Variants in WASL observed in about 807,000 individuals in gnomAD.
WASL encodes actin nucleation-promoting factor WASL.
WASL carries 20 observed loss-of-function variants against 55.5 expected under a neutral mutation model. That is an observed-to-expected ratio of 0.36 (90% CI 0.25 to 0.52). The LOEUF is 0.52. Among genes scored for constraint, WASL ranks in the 20% least tolerant of loss-of-function variants. The pLI is 0.92. For synonymous variants in WASL, 249 were observed against 217.6 expected, an observed-to-expected ratio of 1.14 and a Z score of -1.27; for missense variants, 504 against 622.5, an observed-to-expected ratio of 0.81 and a Z score of 2.03.
chr7:123,737,142 T>A (rs1474985673), intron 1 of WASL, among the ~76,000 whole-genome samples: 2 of 152,126 alleles, frequency 1.3e-5, no homozygotes, highest in African/African-American at 4.8e-5. Context: ...TAACAATAGC[T>A]GATGAACTTT....
At chr7:123,693,488 G>A (rs1291889919) in intron 8 of WASL, among the ~76,000 whole-genome samples, 1 of 152,204 alleles carries the variant, frequency 6.6e-6, no homozygotes, top group East Asian at 1.9e-4. Context: ...GGCATTATAG[G>A]AGGCTGGTTG....
chr7:123,714,988 A>C (rs1803816186), intron 1 of WASL, among the ~76,000 whole-genome samples: 1 of 152,132 alleles, frequency 6.6e-6, no homozygotes, highest in Admixed American at 6.5e-5. Flanking sequence ...TGGAGTAGGA[A>C]ATAAGAAAGA....
intron 1 of WASL, among the ~76,000 whole-genome samples, chr7:123,747,922 G>A (rs1473495149): frequency 6.6e-6 from 1 of 152,052 alleles, no homozygotes; most frequent in Non-Finnish European, 1.5e-5. Context: ...AGCTACCAGA[G>A]ATTGAGGTTT....
At chr7:123,695,421 G>T (rs1803475451) in intron 7 of WASL, among the ~76,000 whole-genome samples, 1 of 152,112 alleles carries the variant, frequency 6.6e-6, no homozygotes, top group African/African-American at 2.4e-5. Context: ...ATAAAACAAC[G>T]GCAAAACTGC....
At chr7:123,689,344 T>C (rs1303642926) in intron 9 of WASL, among the ~76,000 whole-genome samples, 194 bp from the exon 10 acceptor site, 2 of 152,170 alleles carry the variant, frequency 1.3e-5, no homozygotes, top group Admixed American at 1.3e-4. Flanking sequence ...TCAAAAATAT[T>C]TCCTTTCCAT....
At chr7:123,689,016 C>G (rs765138035) in intron 10 of WASL, 26 bp downstream of exon 10, 119 of 1,461,986 alleles carry the variant, frequency 8.1e-5, no homozygotes, top group African/African-American at 2.9e-4. Context: ...GTCTCTCTCT[C>G]TCTCTCTCTC....
chr7:123,722,632 A>G (rs571345802), intron 1 of WASL, among the ~76,000 whole-genome samples: 1 of 152,234 alleles, frequency 6.6e-6, no homozygotes, highest in East Asian at 1.9e-4. Flanking sequence ...AGCGTGGCCA[A>G]CATGGCGAAA....
intron 1 of WASL, chr7:123,720,317 C>G (rs538356218): frequency 2.3e-6 from 1 of 426,562 alleles, no homozygotes; most frequent in African/African-American, 2.2e-5. Context: ...CACAGTTCAG[C>G]TATACAAATA....
chr7:123,689,418 C>T (rs1358107916), intron 9 of WASL, among the ~76,000 whole-genome samples: 1 of 152,184 alleles, frequency 6.6e-6, no homozygotes, highest in Non-Finnish European at 1.5e-5. Context: ...CAAACCCTCT[C>T]CTGAATAATA....
At chr7:123,732,812 C>T (rs1414695133) in intron 1 of WASL, among the ~76,000 whole-genome samples, 1 of 151,982 alleles carries the variant, frequency 6.6e-6, no homozygotes, top group African/African-American at 2.4e-5. Flanking sequence ...CAAATTGAAC[C>T]CAACAATATA....
intron 1 of WASL, among the ~76,000 whole-genome samples, chr7:123,711,702 TACAG>T (rs1246960365): frequency 6.6e-6 from 1 of 152,216 alleles, no homozygotes; most frequent in Non-Finnish European, 1.5e-5. Context: ...ATTAAGTTTT[TACAG>T]ACATTCCTTC....
At chr7:123,714,506 A>G (rs1193759868) in intron 1 of WASL, among the ~76,000 whole-genome samples, 2 of 152,226 alleles carry the variant, frequency 1.3e-5, no homozygotes, top group African/African-American at 4.8e-5. Flanking sequence ...CTCAACAGTG[A>G]AGAAAAACGG....
intron 10 of WASL, 22 bp downstream of exon 10, chr7:123,689,020 C>G (rs762687925): frequency 5.7e-5 from 90 of 1,567,374 alleles, no homozygotes; most frequent in Non-Finnish European, 7.4e-5. Flanking sequence ...CTCTCTCTCT[C>G]TCTCTCTCTC....
At chr7:123,714,297 G>A (rs1172044371) in intron 1 of WASL, among the ~76,000 whole-genome samples, 1 of 152,064 alleles carries the variant, frequency 6.6e-6, no homozygotes, top group Non-Finnish European at 1.5e-5. Flanking sequence ...ATTCACTTTG[G>A]AGACAAGGGA....
At chr7:123,715,476 A>G (rs1485549620) in intron 1 of WASL, among the ~76,000 whole-genome samples, 3 of 152,226 alleles carry the variant, frequency 2.0e-5, no homozygotes, top group African/African-American at 7.2e-5. Flanking sequence ...GTTTGTTTGC[A>G]ACAACAGATA....
In WASL at chr7:123,700,022, A is replaced by G. The variant is rs563351211; in HGVS notation, c.461-3275T>C. 6.6e-5 allele frequency among the ~76,000 whole-genome samples: 10 copies of G among 151,840 alleles called. No homozygotes were observed. In the South Asian group the frequency reaches 2.1e-3, roughly 32 times the overall value. The stretch of plus-strand genomic sequence containing the variant: ...AAACCCCGTCTCTACTAACAATACA[A>G]AAAATTATCCGGGCATGGTGGCGCG... On this transcript the variant is annotated intron_variant, in intron 5 of 10. Coordinates refer to ENST00000223023, the MANE Select transcript of WASL (RefSeq NM_003941.4).
At chr7:123,708,580 A>G (rs1803706954) in intron 2 of WASL, among the ~76,000 whole-genome samples, 1 of 152,206 alleles carries the variant, frequency 6.6e-6, no homozygotes, top group South Asian at 2.1e-4. Flanking sequence ...AGGGAGGGAT[A>G]TAAAGCTATG....
chr7:123,740,035 T>C (rs1305520378), intron 1 of WASL, among the ~76,000 whole-genome samples: 1 of 152,062 alleles, frequency 6.6e-6, no homozygotes, highest in African/African-American at 2.4e-5. Context: ...TGCTCCCTCA[T>C]ATTCCAAGAT....
intron 1 of WASL, chr7:123,720,481 A>G: frequency 2.9e-6 from 1 of 349,684 alleles, no homozygotes; most frequent in Non-Finnish European, 5.6e-6. Context: ...ACAAGAATAA[A>G]TAACTTACAT....
Sources: allele counts gnomAD v4.1 joint callset (sites outside exome capture counted in the v4.1 genomes callset), GRCh38; gene constraint gnomAD v4.1.1; transcripts MANE v1.5; gene names NCBI Gene and HGNC (gene_info 2026-07-23, HGNC 2026-07-21).